PAH: variants seen among roughly 807,000 people sequenced by gnomAD.
The protein encoded by PAH is phenylalanine-4-hydroxylase.
In PAH, 64 loss-of-function variants were observed where a neutral mutation model predicts 62.0. The ratio of observed to expected loss-of-function variants is 1.03; its 90% CI spans 0.84 to 1.27. PAH has a LOEUF of 1.27. Among genes scored for constraint, PAH ranks in the 50% most tolerant of loss-of-function variants. PAH has a pLI of 0.00. For synonymous variants in PAH, 195 were observed against 196.2 expected (o/e 0.99, Z 0.05); for missense variants, 579 against 542.8 (o/e 1.07, Z -0.66).
intron 4 of PAH, among the ~76,000 whole-genome samples, chr12:102,867,615 A>G (rs2136664810): frequency 6.6e-6 from 1 of 152,182 alleles, no homozygotes; most frequent in East Asian, 1.9e-4. Context: ...GCCATCCACC[A>G]CTTTAGCTCA....
At chr12:102,888,134 T>C (rs1160175016) in intron 3 of PAH, among the ~76,000 whole-genome samples, 5 of 152,036 alleles carry the variant, frequency 3.3e-5, no homozygotes, top group African/African-American at 9.7e-5. Flanking sequence ...AGTTTACTTG[T>C]AACCTTTTGC....
chr12:102,942,542 T>A (rs1879331859), intron 1 of PAH, among the ~76,000 whole-genome samples: 1 of 152,038 alleles, frequency 6.6e-6, no homozygotes, highest in Non-Finnish European at 1.5e-5. Context: ...TGACATTTTT[T>A]TTCACAGAAT....
intron 2 of PAH, among the ~76,000 whole-genome samples, chr12:102,896,778 A>G (rs1565867419): frequency 6.6e-6 from 1 of 152,218 alleles, no homozygotes; most frequent in Non-Finnish European, 1.5e-5. Flanking sequence ...GAATTTCAGG[A>G]ATCCAACGGG....
At chr12:102,860,717 A>G (rs1271014884) in intron 5 of PAH, among the ~76,000 whole-genome samples, 1 of 152,252 alleles carries the variant, frequency 6.6e-6, no homozygotes, top group African/African-American at 2.4e-5. Context: ...AAACCTGACA[A>G]AAACAAGAAA....
intron 3 of PAH, among the ~76,000 whole-genome samples, chr12:102,889,186 C>G (rs187684849): frequency 1.3e-5 from 2 of 152,260 alleles, no homozygotes; most frequent in East Asian, 3.9e-4. Context: ...ATCTTGCCCA[C>G]AATCCCAGGG....
upstream of PAH, among the ~76,000 whole-genome samples, chr12:102,951,529 G>T (rs1034293545): frequency 6.6e-5 from 10 of 152,144 alleles, no homozygotes; most frequent in African/African-American, 2.4e-4. Context: ...AAAAACAGAA[G>T]CCAAACCTGG....
At chr12:102,903,529 G>A (rs1295706989) in intron 2 of PAH, among the ~76,000 whole-genome samples, 1 of 152,164 alleles carries the variant, frequency 6.6e-6, no homozygotes, top group Non-Finnish European at 1.5e-5. Context: ...TGATCACTGG[G>A]TATCTGATGA....
intron 6 of PAH, 81 bp downstream of exon 6, chr12:102,855,055 T>G: frequency 8.8e-7 from 1 of 1,141,980 alleles, no homozygotes; most frequent in Non-Finnish European, 1.3e-6. Flanking sequence ...TGCCTCCACA[T>G]ACTTGTCTTC....
At chr12:102,897,825 G>A (rs1003411953) in intron 2 of PAH, among the ~76,000 whole-genome samples, 2 of 152,146 alleles carry the variant, frequency 1.3e-5, no homozygotes, top group South Asian at 2.1e-4. Context: ...TGTATAATTT[G>A]TCCAAATGCA....
chr12:102,847,323 T>C (rs1028317617), intron 8 of PAH: 7 of 312,472 alleles, frequency 2.2e-5, no homozygotes, highest in African/African-American at 1.5e-4. Context: ...GTCTTAATCA[T>C]GTACCCTGGA....
upstream of PAH, among the ~76,000 whole-genome samples, chr12:102,919,532 GT>G: frequency 6.6e-6 from 1 of 151,948 alleles, no homozygotes. Flanking sequence ...CAAATACTAG[GT>G]CTTATTCATT....
chr12:102,947,650 T>C (rs1365870213), intron 1 of PAH, among the ~76,000 whole-genome samples: 3 of 152,190 alleles, frequency 2.0e-5, no homozygotes, highest in Non-Finnish European at 4.4e-5. Flanking sequence ...AGATGAGTGA[T>C]CAGCAGGGCC....
At chr12:102,941,618 CT>C (rs1879291487) in intron 1 of PAH, among the ~76,000 whole-genome samples, 1 of 152,118 alleles carries the variant, frequency 6.6e-6, no homozygotes, top group South Asian at 2.1e-4. Context: ...ACTATCCTAA[CT>C]ATATATGCAC....
intron 3 of PAH, among the ~76,000 whole-genome samples, chr12:102,882,477 C>T (rs962380208): frequency 6.6e-6 from 1 of 151,818 alleles, no homozygotes; most frequent in African/African-American, 2.4e-5. Context: ...ATAAGAACAA[C>T]ATGATGTTAA....
intron 2 of PAH, among the ~76,000 whole-genome samples, chr12:102,900,464 A>G (rs1032433975): frequency 6.6e-6 from 1 of 152,170 alleles, no homozygotes. Flanking sequence ...AAAATGTTTA[A>G]AAAATTATGC....
At chr12:102,861,175 T>G (rs929335456) in intron 5 of PAH, among the ~76,000 whole-genome samples, 5 of 152,126 alleles carry the variant, frequency 3.3e-5, no homozygotes, top group Admixed American at 6.5e-5. Context: ...GCAAAGGATA[T>G]GAACAGACAC....
chr12:102,847,931 A>G (rs1874929731), intron 8 of PAH, among the ~76,000 whole-genome samples: 1 of 152,194 alleles, frequency 6.6e-6, no homozygotes, highest in Non-Finnish European at 1.5e-5. Flanking sequence ...ACAGGGAGGA[A>G]CCAATGTGGC....
chr12:102,855,391 G>A, intron 5 of PAH, 59 bp from the exon 6 acceptor site: 1 of 1,426,198 alleles, frequency 7.0e-7, no homozygotes, highest in Non-Finnish European at 9.9e-7. Flanking sequence ...CAGAACGCAG[G>A]TTAGGTTAGC....
intron 1 of PAH, among the ~76,000 whole-genome samples, chr12:102,923,974 G>A (rs1446278233): frequency 6.6e-6 from 1 of 152,198 alleles, no homozygotes; most frequent in African/African-American, 2.4e-5. Flanking sequence ...AAGTTATCCA[G>A]TTTCTTGCCT....
Sources: gnomAD v4.1 joint callset for allele counts (sites outside exome capture counted in the v4.1 genomes callset) on GRCh38, gnomAD v4.1.1 for gene constraint, MANE v1.5 for transcripts, NCBI Gene and HGNC (gene_info 2026-07-23, HGNC 2026-07-21) for gene names.